The following PPP3CC variants were observed in gnomAD, a reference collection of about 807,000 sequenced individuals.
PPP3CC encodes the protein serine/threonine-protein phosphatase 2B catalytic subunit gamma isoform.
PPP3CC carries 35 observed loss-of-function variants against 60.3 expected under a neutral mutation model. The ratio of observed to expected loss-of-function variants is 0.58; its 90% CI spans 0.44 to 0.77. The LOEUF (loss-of-function observed/expected upper bound fraction) is 0.77, where lower values mean the gene tolerates loss of function less well. Among genes scored for constraint, PPP3CC ranks in the 30% least tolerant of loss-of-function variants. The pLI, the probability that PPP3CC is intolerant of heterozygous loss-of-function variation, is 0.00. For synonymous variants in PPP3CC, 206 were observed against 224.3 expected (o/e 0.92, Z 0.73); for missense variants, 570 against 628.9 (o/e 0.91, Z 1.00).
chr8:22,483,439 G>A (rs773847656), intron 3 of PPP3CC, among the ~76,000 whole-genome samples: 4 of 151,850 alleles, frequency 2.6e-5, no homozygotes, highest in African/African-American at 4.8e-5. Context: ...GGCATGTGCC[G>A]CTACGCCCGG....
In PPP3CC at chr8:22,445,940, A is replaced by G. The variant is rs184264513; in HGVS notation, c.49+4482A>G. On this transcript the variant is annotated intron_variant, in intron 1 of 13. Coordinates refer to ENST00000240139, the MANE Select transcript of PPP3CC (RefSeq NM_005605.5). ...TCTGAAAGGGCATCTTAATTTAAAC[A>G]CTTAATTTTTTTCTTTTTGAGCAAG... 1.8e-3 allele frequency among the ~76,000 whole-genome samples: 267 copies of G among 152,332 alleles called. 3 individuals carry two copies. The highest frequency in any genetic ancestry group is 2.8e-3 in the Non-Finnish European group (193 of 68,020).
In PPP3CC at chr8:22,475,118, A is replaced by G; in HGVS notation, c.214A>G (p.Lys72Glu). The change falls in exon 2 of 14, where the codon AAG (lysine) becomes GAG (glutamate). Residue 72 changes from lysine (K) to glutamate (E), a missense_variant. Physicochemically the swap from Lys to Glu is moderately conservative, Grantham distance 56. Transcript: ENST00000240139. ...TGGGGCTGCCATCCTGAGGCAAGAGAAGACTATGATAGAAGTAGATGCTCC... is the reference window on the plus strand; with the variant it reads ...TGGGGCTGCCATCCTGAGGCAAGAGGAGACTATGATAGAAGTAGATGCTCC... ...NDGAAILRQE[K>E]TMIEVDAPIT... 1 of 1,613,090 alleles carries G rather than the reference A, an allele frequency of 6.2e-7. No individual in the cohort carries two copies. The highest frequency in any genetic ancestry group is 2.2e-5 in the East Asian group (1 of 44,824).
intron 1 of PPP3CC, among the ~76,000 whole-genome samples, chr8:22,457,098 C>G (rs1837225688): frequency 7.1e-6 from 1 of 141,352 alleles, no homozygotes; most frequent in African/African-American, 2.6e-5. Flanking sequence ...TCCTTCCCTC[C>G]TTCCCCCTCC....
chr8:22,456,360 G>A (rs972921718), intron 1 of PPP3CC, among the ~76,000 whole-genome samples: 1 of 152,168 alleles, frequency 6.6e-6, no homozygotes, highest in African/African-American at 2.4e-5. Flanking sequence ...TCTTGAAAAG[G>A]TTGCAGAATT....
chr8:22,449,452 A>C (rs1459855820), intron 1 of PPP3CC, among the ~76,000 whole-genome samples: 3 of 149,872 alleles, frequency 2.0e-5, no homozygotes, highest in Non-Finnish European at 4.5e-5. Flanking sequence ...CATCTCAAAA[A>C]AAAAAAAAAA....
intron 10 of PPP3CC, chr8:22,531,247 C>A (rs1463724583): frequency 2.1e-6 from 3 of 1,449,938 alleles, no homozygotes; most frequent in Non-Finnish European, 2.8e-6. Flanking sequence ...ATAAATTTCT[C>A]TTCTCATATT....
At chr8:22,481,768 G>T (rs533825746) in intron 3 of PPP3CC, among the ~76,000 whole-genome samples, 1 of 151,644 alleles carries the variant, frequency 6.6e-6, no homozygotes, top group Admixed American at 6.6e-5. Context: ...TCCCACTTAT[G>T]AGTGAGAACA....
chr8:22,441,469 G>A lies in PPP3CC; in HGVS notation c.49+11G>A. 6.5e-7 allele frequency: 1 copy of A among 1,532,060 alleles called. No individual in the cohort carries two copies. The highest frequency in any genetic ancestry group is 2.0e-5 in the Admixed American group (1 of 49,318). The allele number at this position is 1,532,060 out of a possible 1,614,324, so 94.9% of individuals were successfully genotyped here. A position where few individuals can be genotyped will look rare whatever the true frequency, so the allele number is the denominator to read the frequency against. On this transcript the variant is annotated intron_variant, in intron 1 of 13. Coordinates refer to ENST00000240139, the MANE Select transcript of PPP3CC (RefSeq NM_005605.5). ...ACCGCGTCATCAAAGGTGCCTGGCG[G>A]GCCGGGCCTTCCTCTGGGACCCGCG...
chr8:22,466,214 G>A (rs544836737), intron 1 of PPP3CC, among the ~76,000 whole-genome samples: 4 of 152,190 alleles, frequency 2.6e-5, no homozygotes, highest in South Asian at 2.1e-4. Context: ...TATGTGCCAC[G>A]TTTTCTTTAT....
chr8:22,453,837 C>G (rs998589716), intron 1 of PPP3CC, among the ~76,000 whole-genome samples: 1 of 151,952 alleles, frequency 6.6e-6, no homozygotes, highest in Non-Finnish European at 1.5e-5. Flanking sequence ...AGAAAAGGTA[C>G]AGTAAAAGTA....
At chr8:22,488,388 A>G (rs868072889) in intron 3 of PPP3CC, among the ~76,000 whole-genome samples, 11 of 152,280 alleles carry the variant, frequency 7.2e-5, no homozygotes, top group Middle Eastern at 6.8e-3. Context: ...CAACAATTCC[A>G]TTTTTCAGAA....
At chr8:22,525,799 GTCC>G (rs767649784) in intron 8 of PPP3CC, among the ~76,000 whole-genome samples, 18 of 150,166 alleles carry the variant, frequency 1.2e-4, no homozygotes, top group Non-Finnish European at 1.8e-4. Context: ...AGCTTAAGCA[GTCC>G]TCCTGCCTCG....
intron 8 of PPP3CC, among the ~76,000 whole-genome samples, chr8:22,525,531 TTTCTTTCTCTCC>T (rs764477899): frequency 0.029 from 2,871 of 99,184 alleles, 54 homozygotes; most frequent in Middle Eastern, 0.075. Flanking sequence ...TCTTTCTTTC[TTTCTTTCTCTCC>T]CTCTCTCTCT....
At chr8:22,496,320 C>G (rs766722568) in intron 3 of PPP3CC, among the ~76,000 whole-genome samples, 9 of 151,604 alleles carry the variant, frequency 5.9e-5, no homozygotes, top group African/African-American at 2.2e-4. Flanking sequence ...TAGGGATAGT[C>G]TGCCCTCATA....
chr8:22,462,974 G>T (rs529308994), intron 1 of PPP3CC, among the ~76,000 whole-genome samples: 1 of 152,160 alleles, frequency 6.6e-6, no homozygotes, highest in East Asian at 1.9e-4. Context: ...TTTCCTTTGG[G>T]CAACCAAATA....
intron 3 of PPP3CC, among the ~76,000 whole-genome samples, chr8:22,487,594 T>TG (rs1265119853): frequency 6.6e-6 from 1 of 152,238 alleles, no homozygotes; most frequent in East Asian, 1.9e-4. Context: ...CACTGCATTC[T>TG]GGCCTAGGTG....
chr8:22,487,797 G>C (rs2132491384), intron 3 of PPP3CC, among the ~76,000 whole-genome samples: 2 of 152,314 alleles, frequency 1.3e-5, no homozygotes, highest in South Asian at 2.1e-4. Context: ...AATGTTATCA[G>C]ATGAGCAGGT....
chr8:22,513,367 T>C lies in PPP3CC; in HGVS notation c.705T>C (p.Tyr235=), dbSNP rs779698888. 4 of 1,613,920 alleles carry C rather than the reference T, an allele frequency of 2.5e-6. No individual in the cohort carries two copies. The highest frequency in any genetic ancestry group is 2.7e-5 in the African/African-American group (2 of 74,908). The change falls in exon 6 of 14, where the codon TAT becomes TAC. Residue 235 remains tyrosine, a synonymous_variant. Coordinates refer to ENST00000240139, the MANE Select transcript of PPP3CC (RefSeq NM_005605.5). ...DLLWSDPSED[Y]GNEKTLEHYT... The stretch of plus-strand genomic sequence containing the variant: ...TTTGGTCTGATCCCTCAGAGGATTA[T>C]GGCAATGAGAAGACCTTGGAGCACT...
At chr8:22,503,339 G>A (rs1212702531) in intron 4 of PPP3CC, among the ~76,000 whole-genome samples, 2 of 151,866 alleles carry the variant, frequency 1.3e-5, no homozygotes, top group Non-Finnish European at 2.9e-5. Context: ...TTCTTACCTG[G>A]GAAAATTAAA....
Sources: gnomAD v4.1 joint callset for allele counts (sites outside exome capture counted in the v4.1 genomes callset) on GRCh38, gnomAD v4.1.1 for gene constraint, MANE v1.5 for transcripts, NCBI Gene and HGNC (gene_info 2026-07-23, HGNC 2026-07-21) for gene names.